CACNA1C: variants seen among roughly 807,000 people sequenced by gnomAD.
CACNA1C encodes voltage-dependent L-type calcium channel subunit alpha-1C.
CACNA1C carries 30 observed loss-of-function variants against 229.0 expected under a neutral mutation model. The ratio of observed to expected loss-of-function variants is 0.13; its 90% CI spans 0.10 to 0.18. The LOEUF is 0.18. Among genes scored for constraint, CACNA1C ranks in the 10% least tolerant of loss-of-function variants. CACNA1C has a pLI of 1.00. For synonymous variants in CACNA1C, 1,114 were observed against 1,132.5 expected (o/e 0.98, Z 0.33); for missense variants, 1,658 against 2,845.0 (o/e 0.58, Z 9.49).
Position 2,375,220 on chromosome 12 carries a change from A to G in CACNA1C, c.478-73756A>G, listed in dbSNP as rs187185232. On this transcript the variant is annotated intron_variant, in intron 3 of 46. Transcript: ENST00000399655. The stretch of plus-strand genomic sequence containing the variant: ...GCTGAGCGGCTGCCAAGGAGACAGG[A>G]TGGTTGAGACTCTGCAGAAGAAGGG... Among the ~76,000 whole-genome samples the G allele has an allele frequency of 4.8e-3, 730 of 152,262 alleles. 4 individuals carry two copies. The highest frequency in any genetic ancestry group is 0.01 in the Middle Eastern group (3 of 294).
At position 2,100,479 on chromosome 12, in the gene CACNA1C, A is replaced by C. The variant is rs71454855; in HGVS notation, c.50-14745A>C. On this transcript the variant is annotated intron_variant, in intron 1 of 46. Transcript: ENST00000399655. ...GAGACTCCATCTCAAAAAAAAAAAA[A>C]CAAAAAAAAAAAACAACAAAAATTG... Among the ~76,000 whole-genome samples, 60 of 68,520 alleles carry C rather than the reference A, an allele frequency of 8.8e-4. 2 individuals carry two copies. The South Asian group carries it at 0.027, about 31-fold the overall frequency. 45.0% of individuals were successfully genotyped at this position (68,520 alleles called of 152,430 possible). A position where few individuals can be genotyped will look rare whatever the true frequency, so the allele number is the denominator to read the frequency against.
intron 3 of CACNA1C, among the ~76,000 whole-genome samples, chr12:2,145,086 C>T (rs2154198932): frequency 6.6e-6 from 1 of 151,404 alleles, no homozygotes. Flanking sequence ...GTGTTTAAGG[C>T]TGTTTTAACT....
In CACNA1C at chr12:2,152,453, G is replaced by A. The variant is rs747732223; in HGVS notation, c.477+32023G>A. On this transcript the variant is annotated intron_variant, in intron 3 of 46. Coordinates refer to ENST00000399655, the MANE Select transcript of CACNA1C (RefSeq NM_000719.7). The surrounding 1 kb of genome is among the most constrained non-coding windows in gnomAD (Gnocchi z 4.2). ...TTTCTCCCTCTGCAGGCGTGTTGCC[G>A]TCATGGTGAGGAGCCATTTCATATC... Among the ~76,000 whole-genome samples, 7 of 152,180 alleles carry A rather than the reference G, an allele frequency of 4.6e-5. No homozygotes were observed. The highest frequency in any genetic ancestry group is 3.2e-3 in the Middle Eastern group (1 of 316).
chr12:2,390,323 A>G (rs940175253), intron 3 of CACNA1C, among the ~76,000 whole-genome samples: 6 of 152,230 alleles, frequency 3.9e-5, no homozygotes, highest in African/African-American at 1.4e-4. Context: ...TAGCCAGGAC[A>G]TGCAGTCATC....
intron 3 of CACNA1C, among the ~76,000 whole-genome samples, chr12:2,381,919 A>G (rs983892390): frequency 6.6e-6 from 1 of 152,240 alleles, no homozygotes; most frequent in Non-Finnish European, 1.5e-5. Flanking sequence ...AACATCTGGG[A>G]GGATTCTGCA....
chr12:2,619,434 C>G (rs772426053), intron 29 of CACNA1C, among the ~76,000 whole-genome samples: 21 of 152,134 alleles, frequency 1.4e-4, no homozygotes, highest in Admixed American at 2.6e-4. Flanking sequence ...TAAATGGGCC[C>G]TTTTGCAATA....
At position 2,608,395 on chromosome 12, in the gene CACNA1C, C is replaced by T; in HGVS notation, c.3357-116C>T. The T allele has an allele frequency of 1.4e-6, 1 of 732,588 alleles. No individual in the cohort carries two copies. The highest frequency in any genetic ancestry group is 2.2e-6 in the Non-Finnish European group (1 of 456,188). The allele number at this position is 732,588 out of a possible 1,614,324, so 45.4% of individuals were successfully genotyped here. On this transcript the variant is annotated intron_variant, in intron 26 of 46. Coordinates refer to ENST00000399655, the MANE Select transcript of CACNA1C (RefSeq NM_000719.7). This position sits in a 1 kb window ranked among gnomAD's most constrained non-coding sequence, Gnocchi z 4.2. ...GTAAGAGGCCGAGCTGGGACTCCAG[C>T]CCAGAGCTGTCTCCTGCACCCTGAT...
chr12:2,441,811 A>G (rs766794050), intron 3 of CACNA1C, among the ~76,000 whole-genome samples: 3 of 152,150 alleles, frequency 2.0e-5, no homozygotes, highest in African/African-American at 7.2e-5. Flanking sequence ...ACACTCTGTC[A>G]TATTGGCTCC....
At chr12:2,560,944 G>A (rs1428264547) in intron 11 of CACNA1C, among the ~76,000 whole-genome samples, 1 of 150,912 alleles carries the variant, frequency 6.6e-6, no homozygotes, top group Non-Finnish European at 1.5e-5. Context: ...GATTCCAGAT[G>A]CCTGTGCACC....
intron 5 of CACNA1C, among the ~76,000 whole-genome samples, chr12:2,478,545 T>C (rs1216532230): frequency 1.3e-5 from 2 of 152,240 alleles, no homozygotes; most frequent in Non-Finnish European, 2.9e-5. Flanking sequence ...GTCACGCTTC[T>C]AAGACCACAC....
At position 2,287,594 on chromosome 12, in the gene CACNA1C, A is replaced by G. The variant is rs997298416; in HGVS notation, c.478-161382A>G. Among the ~76,000 whole-genome samples, 9 of 152,178 alleles carry G rather than the reference A, an allele frequency of 5.9e-5. No individual in the cohort carries two copies. The highest frequency in any genetic ancestry group is 2.2e-4 in the African/African-American group (9 of 41,442). ...GAGTGCTCCTGTGATTCTTTAAGTTAGTAATTCTCATCCCTGGCCACACAT... is the reference window on the plus strand; with the variant it reads ...GAGTGCTCCTGTGATTCTTTAAGTTGGTAATTCTCATCCCTGGCCACACAT... On this transcript the variant is annotated intron_variant, in intron 3 of 46. Transcript: ENST00000399655. The surrounding 1 kb of genome is among the most constrained non-coding windows in gnomAD (Gnocchi z 4.6).
In CACNA1C at chr12:2,575,936, G is replaced by A. The variant is rs1021274573; in HGVS notation, c.1896-5654G>A. On this transcript the variant is annotated intron_variant, in intron 13 of 46. Coordinates refer to ENST00000399655, the MANE Select transcript of CACNA1C (RefSeq NM_000719.7). This position sits in a 1 kb window ranked among gnomAD's most constrained non-coding sequence, Gnocchi z 4.0. ...ATAGAAGAGGAGGAAGAATTCCACAGAGCCCCAAACCCAGAGACAGACCTA... is the reference window on the plus strand; with the variant it reads ...ATAGAAGAGGAGGAAGAATTCCACAAAGCCCCAAACCCAGAGACAGACCTA... 1.3e-5 allele frequency among the ~76,000 whole-genome samples: 2 copies of A among 152,176 alleles called. No homozygotes were observed. The highest frequency in any genetic ancestry group is 2.9e-5 in the Non-Finnish European group (2 of 68,038).
chr12:2,427,978 G>A (rs528415142), intron 3 of CACNA1C, among the ~76,000 whole-genome samples: 185 of 152,324 alleles, frequency 1.2e-3, no homozygotes, highest in African/African-American at 4.2e-3. Context: ...TACTGTATTA[G>A]TGGCTCCTTA....
In CACNA1C at chr12:2,649,110, C is replaced by T. The variant is rs967571095; in HGVS notation, c.3945+603C>T. Among the ~76,000 whole-genome samples, 2 of 152,146 alleles carry T rather than the reference C, an allele frequency of 1.3e-5. No individual in the cohort carries two copies. Among genetic ancestry groups the T allele is most frequent in the African/African-American group, 4.8e-5 (2 of 41,420 alleles). ...TGCATTTTTCTAAATTCCTGAAGTC[C>T]GTTAAAATTAGGCTGCAGCCACTGT... is the stretch of plus-strand genomic sequence containing the variant. On this transcript the variant is annotated intron_variant, in intron 31 of 46. Coordinates refer to ENST00000399655, the MANE Select transcript of CACNA1C (RefSeq NM_000719.7). This position sits in a 1 kb window ranked among gnomAD's most constrained non-coding sequence, Gnocchi z 4.4.
chr12:2,625,292 T>C (rs1014647703), intron 29 of CACNA1C, among the ~76,000 whole-genome samples: 6 of 152,228 alleles, frequency 3.9e-5, no homozygotes, highest in African/African-American at 1.4e-4. Context: ...AGAAAATTAT[T>C]CACACGGTGT....
chr12:2,172,835 G>A (rs936844219), intron 3 of CACNA1C, among the ~76,000 whole-genome samples: 16 of 152,370 alleles, frequency 1.1e-4, no homozygotes, highest in Admixed American at 1.0e-3. Flanking sequence ...GATGGACCTT[G>A]TCTGTGGAGA....
chr12:2,038,193 T>C (rs900787436), intron 1 of CACNA1C, among the ~76,000 whole-genome samples: 4 of 152,138 alleles, frequency 2.6e-5, no homozygotes, highest in Non-Finnish European at 5.9e-5. Context: ...TGACTTAGGA[T>C]TTGCAGGGTT....
chr12:2,573,319 C>CA lies in CACNA1C; in HGVS notation c.1895+5531dup, dbSNP rs892055792. ...CACTTGGCTGACCACCTTGCCCAGC[C>CA]AAAAAACTTGATTCTTACATCTCCA... On this transcript the variant is annotated intron_variant, in intron 13 of 46. Transcript: ENST00000399655. Among the ~76,000 whole-genome samples the CA allele has an allele frequency of 4.3e-4, 65 of 152,266 alleles. 1 individual carries two copies. Among genetic ancestry groups the CA allele is most frequent in the African/African-American group, 1.4e-3 (59 of 41,550 alleles).
intron 3 of CACNA1C, among the ~76,000 whole-genome samples, chr12:2,425,322 A>C (rs981315411): frequency 2.0e-5 from 3 of 152,270 alleles, no homozygotes; most frequent in African/African-American, 7.2e-5. Flanking sequence ...AATTTTGGAA[A>C]AATACACACA....
Sources: gnomAD v4.1 joint callset for allele counts (sites outside exome capture counted in the v4.1 genomes callset) on GRCh38, gnomAD v4.1.1 for gene constraint, Gnocchi (gnomAD v3.1) non-coding constraint, MANE v1.5 for transcripts, NCBI Gene and HGNC (gene_info 2026-07-23, HGNC 2026-07-21) for gene names.